The following CCDC141 variants were observed in gnomAD, a reference collection of about 807,000 sequenced individuals.
CCDC141 encodes the protein coiled-coil domain containing 141.
Under a neutral mutation model 181.0 loss-of-function variants are expected in CCDC141, and 168 were observed. The ratio of observed to expected loss-of-function variants is 0.93; its 90% CI spans 0.82 to 1.05. CCDC141 has a LOEUF of 1.05. Ranked by LOEUF, CCDC141 falls within the 50% of genes least tolerant of loss-of-function variation. The probability of loss-of-function intolerance (pLI) is 0.00; values close to 1 mark genes in which losing one functional copy is unlikely to be tolerated. For synonymous variants in CCDC141, 666 were observed against 642.3 expected, an observed-to-expected ratio of 1.04 and a Z score of -0.56; for missense variants, 1,902 against 1,788.5, an observed-to-expected ratio of 1.06 and a Z score of -1.14.
chr2:178,884,957 C>T lies in CCDC141; in HGVS notation c.1663G>A (p.Asp555Asn). Residue 555 changes from aspartate to asparagine, a missense_variant, in exon 11 of 24, where the codon GAC becomes AAC. Asp to Asn is a conservative substitution (Grantham distance 23). Transcript: ENST00000443758. ...EELNLFGQSIDYRSQVLQTYV... is the reference protein window; with the variant it reads ...EELNLFGQSINYRSQVLQTYV... ...GTTTGCAGGACTTGCGATCTATAGT[C>T]AATGCTTTGGCCAAATAGGTTTAAT... 1.3e-6 allele frequency: 2 copies of T among 1,550,414 alleles called. No homozygotes were observed. The highest frequency in any genetic ancestry group is 2.0e-5 in the Admixed American group (1 of 50,998).
At position 178,837,558 on chromosome 2, in the gene CCDC141, C is replaced by T; in HGVS notation, c.3661G>A (p.Gly1221Arg). 6.2e-7 allele frequency: 1 copy of T among 1,613,804 alleles called. No individual in the cohort carries two copies. The highest frequency in any genetic ancestry group is 8.5e-7 in the Non-Finnish European group (1 of 1,179,864). The change falls in exon 23 of 24, where the codon GGA (glycine) becomes AGA (arginine). Residue 1221 changes from glycine (G) to arginine (R), a missense_variant. Transcript: ENST00000443758. ...GGTGCAAGAGGGGACTCAGGGCTTC[C>T]TGGGAGAGGAGGCAAGGAGATGTCA... ...PDDISLPPLP[G>R]SPESPLAPSD...
intron 2 of CCDC141, among the ~76,000 whole-genome samples, chr2:178,982,780 C>T (rs980185421): frequency 2.6e-5 from 4 of 152,190 alleles, no homozygotes; most frequent in Middle Eastern, 6.3e-3. Context: ...AGGCGCACCA[C>T]GAGATTATAT....
At chr2:178,939,189 C>T (rs1689408239) in intron 6 of CCDC141, among the ~76,000 whole-genome samples, 1 of 152,096 alleles carries the variant, frequency 6.6e-6, no homozygotes, top group South Asian at 2.1e-4. Flanking sequence ...CACACAGAGC[C>T]TTACGTTTAA....
At chr2:178,837,782 A>T (rs765416184) in intron 22 of CCDC141, 38 bp from the exon 23 acceptor site, 5 of 1,553,300 alleles carry the variant, frequency 3.2e-6, no homozygotes, top group Non-Finnish European at 4.3e-6. Context: ...TTATTCATTC[A>T]TTTTTCTTTT....
chr2:178,889,680 A>T (rs1004724965), intron 8 of CCDC141, among the ~76,000 whole-genome samples: 9 of 152,180 alleles, frequency 5.9e-5, no homozygotes, highest in Non-Finnish European at 1.0e-4. Context: ...TGGAGTGATG[A>T]CGATGCCACT....
Position 179,038,623 on chromosome 2 carries a change from G to C in CCDC141, c.225+8661C>G, listed in dbSNP as rs10206199. Among the ~76,000 whole-genome samples, 104 of 152,206 alleles carry C rather than the reference G, an allele frequency of 6.8e-4. 1 individual carries two copies. Among genetic ancestry groups the C allele is most frequent in the African/African-American group, 2.4e-3 (100 of 41,532 alleles). On this transcript the variant is annotated intron_variant, in intron 2 of 23. Transcript: ENST00000443758. ...TATCTCTTATTTAAGGTAAGTTTTT[G>C]TAAGACTTTTAGTTTTACTACTAAT...
chr2:178,963,068 T>C (rs1690476216), intron 4 of CCDC141, among the ~76,000 whole-genome samples: 1 of 152,218 alleles, frequency 6.6e-6, no homozygotes, highest in Non-Finnish European at 1.5e-5. Context: ...ACCCAGCACT[T>C]AGCACAGTGA....
rs779888503 is a variant in CCDC141 at position 178,834,144 on chromosome 2, A to G, written c.*29T>C. On this transcript the variant is annotated 3_prime_UTR_variant, in exon 24 of 24. Transcript: ENST00000443758. ...CGGCACTTTTCTTTAGGCACATGAGAATGATGTCCATTGGTGCCAACACCA... is the reference window on the plus strand; with the variant it reads ...CGGCACTTTTCTTTAGGCACATGAGGATGATGTCCATTGGTGCCAACACCA... The G allele has an allele frequency of 9.8e-5, 149 of 1,527,578 alleles. No individual in the cohort carries two copies. Among genetic ancestry groups the G allele is most frequent in the Non-Finnish European group, 1.3e-4 (149 of 1,139,930 alleles). 94.6% of individuals were successfully genotyped at this position (1,527,578 alleles called of 1,614,324 possible). A position where few individuals can be genotyped will look rare whatever the true frequency, so the allele number is the denominator to read the frequency against.
intron 2 of CCDC141, among the ~76,000 whole-genome samples, chr2:179,037,856 C>T (rs981795996): frequency 6.6e-6 from 1 of 152,120 alleles, no homozygotes; most frequent in African/African-American, 2.4e-5. Flanking sequence ...AAACAAGAAA[C>T]AACAAGTTAT....
chr2:179,002,894 T>C (rs1335628597), intron 2 of CCDC141: 1 of 152,324 alleles, frequency 6.6e-6, no homozygotes, highest in Non-Finnish European at 1.5e-5. Flanking sequence ...TACATCAAAA[T>C]AATAACTCTC....
chr2:179,047,546 TC>T (rs1387538189), intron 1 of CCDC141, 140 bp from the exon 2 acceptor site: 1 of 677,412 alleles, frequency 1.5e-6, no homozygotes, highest in Non-Finnish European at 2.2e-6. Context: ...TTCCATTCTT[TC>T]CATAGAGATG....
At chr2:178,990,976 T>C (rs988633165) in intron 2 of CCDC141, among the ~76,000 whole-genome samples, 2 of 152,112 alleles carry the variant, frequency 1.3e-5, no homozygotes, top group Non-Finnish European at 2.9e-5. Context: ...GGAAAACCAC[T>C]CGGCACAAAA....
intron 12 of CCDC141, among the ~76,000 whole-genome samples, chr2:178,872,831 G>A (rs1686180542): frequency 1.3e-5 from 2 of 152,000 alleles, no homozygotes; most frequent in African/African-American, 2.4e-5. Flanking sequence ...CCTCCATTTT[G>A]TGAGAACTGA....
chr2:178,991,599 G>A (rs58731071), intron 2 of CCDC141, among the ~76,000 whole-genome samples: 1,696 of 152,166 alleles, frequency 0.011, 32 homozygotes, highest in African/African-American at 0.039. Flanking sequence ...CAGTTAGATT[G>A]AAGGAATAAG....
chr2:178,817,679 T>C, the CCDC141 span: 14 of 384,338 alleles, frequency 3.6e-5, no homozygotes, highest in African/African-American at 3.0e-4. Context: ...TTTTGCTTCA[T>C]ACTAAAAGGA....
At chr2:178,984,738 A>C (rs1450099487) in intron 2 of CCDC141, among the ~76,000 whole-genome samples, 1 of 151,340 alleles carries the variant, frequency 6.6e-6, no homozygotes, top group Non-Finnish European at 1.5e-5. Context: ...CATAATGGTA[A>C]AGGGATCAAT....
chr2:179,004,377 C>T (rs531086530), intron 2 of CCDC141, among the ~76,000 whole-genome samples: 1 of 152,172 alleles, frequency 6.6e-6, no homozygotes, highest in African/African-American at 2.4e-5. Context: ...AATAATTTTT[C>T]TAATACATTT....
chr2:178,832,069 C>T lies in CCDC141; in HGVS notation c.*2104G>A, dbSNP rs1432284515. The T allele has an allele frequency of 1.3e-5, 2 of 152,114 alleles. No homozygotes were observed. The highest frequency in any genetic ancestry group is 2.4e-5 in the African/African-American group (1 of 41,420). 9.4% of individuals were successfully genotyped at this position (152,114 alleles called of 1,614,324 possible). On this transcript the variant is annotated 3_prime_UTR_variant, in exon 24 of 24. Transcript: ENST00000443758. ...TGACAAAATGGGAAGGGAGATCCTGCCAAATTAATAAGAAAGAGAAAGTGG... is the reference window on the plus strand; with the variant it reads ...TGACAAAATGGGAAGGGAGATCCTGTCAAATTAATAAGAAAGAGAAAGTGG...
At chr2:178,937,888 T>A (rs1689354743) in intron 6 of CCDC141, among the ~76,000 whole-genome samples, 1 of 152,128 alleles carries the variant, frequency 6.6e-6, no homozygotes, top group Non-Finnish European at 1.5e-5. Flanking sequence ...TTTTTATTTC[T>A]ATGGGGTCAG....
Sources: gnomAD v4.1 joint callset for allele counts (sites outside exome capture counted in the v4.1 genomes callset) on GRCh38, gnomAD v4.1.1 for gene constraint, MANE v1.5 for transcripts, NCBI Gene and HGNC (gene_info 2026-07-23, HGNC 2026-07-21) for gene names.